Variants in DACH2 observed in about 807,000 individuals in gnomAD.
DACH2 encodes the protein dachshund family transcription factor 2.
A neutral mutation model predicts 35.8 loss-of-function variants in DACH2; 17 were observed. The ratio of observed to expected loss-of-function variants is 0.48; its 90% CI spans 0.33 to 0.71. The LOEUF is 0.71. Ranked by LOEUF, DACH2 falls within the 30% of genes least tolerant of loss-of-function variation. The pLI is 0.02. For synonymous variants in DACH2, 195 were observed against 177.3 expected (o/e 1.10, Z -0.79); for missense variants, 469 against 472.7 (o/e 0.99, Z 0.07).
chrX:86,791,574 A>G (rs964176454), intron 7 of DACH2, among the ~76,000 whole-genome samples: 3 of 111,636 alleles, frequency 2.7e-5, no homozygotes, highest in African/African-American at 9.8e-5. Context: ...GTTTCTAGGA[A>G]TTCAGTCTAG....
At chrX:86,455,427 C>G (rs1014363998) in intron 2 of DACH2, among the ~76,000 whole-genome samples, 2 of 111,615 alleles carry the variant, frequency 1.8e-5, no homozygotes, top group Non-Finnish European at 3.8e-5. Context: ...CGTCCCTCCC[C>G]CCGAAACTCT....
At chrX:86,282,055 C>T (rs191811561) in intron 1 of DACH2, among the ~76,000 whole-genome samples, 3 of 112,083 alleles carry the variant, frequency 2.7e-5, no homozygotes, top group East Asian at 2.8e-4. Context: ...GAATGAATAT[C>T]GTGAAAATAG....
chrX:86,600,246 C>T (rs758713788), intron 3 of DACH2, among the ~76,000 whole-genome samples: 2 of 112,090 alleles, frequency 1.8e-5, no homozygotes, highest in South Asian at 7.4e-4. Context: ...GCAATTTGGA[C>T]TATTTCCAGA....
chrX:86,160,545 G>T (rs1468205843), intron 1 of DACH2: 3 of 519,671 alleles, frequency 5.8e-6, no homozygotes, highest in Non-Finnish European at 1.1e-5. Context: ...TCCAGTACAG[G>T]AGTATAGCCA....
chrX:86,157,949 T>G (rs1411620869), intron 1 of DACH2, among the ~76,000 whole-genome samples: 1 of 111,032 alleles, frequency 9.0e-6, no homozygotes, highest in African/African-American at 3.3e-5. Flanking sequence ...TTAATGGCCT[T>G]TGGTAGCAGG....
intron 1 of DACH2, among the ~76,000 whole-genome samples, chrX:86,157,269 C>T (rs1389462250): frequency 1.8e-5 from 2 of 111,488 alleles, no homozygotes; most frequent in Non-Finnish European, 3.8e-5. Flanking sequence ...ATATAGCATT[C>T]GATTGCAATT....
At chrX:86,467,867 G>A (rs2037699082) in intron 2 of DACH2, among the ~76,000 whole-genome samples, 2 of 111,378 alleles carry the variant, frequency 1.8e-5, no homozygotes, top group African/African-American at 6.5e-5. Flanking sequence ...TTGTAAAACC[G>A]TCAGATCTCA....
chrX:86,495,715 A>T (rs2038160143), intron 2 of DACH2, among the ~76,000 whole-genome samples: 1 of 110,031 alleles, frequency 9.1e-6, no homozygotes, highest in African/African-American at 3.3e-5. Context: ...CAGGAGGCTA[A>T]GGCAAATGGA....
At chrX:86,248,294 C>A (rs147243062) in intron 1 of DACH2, among the ~76,000 whole-genome samples, 3,407 of 110,574 alleles carry the variant, frequency 0.031, 128 homozygotes, top group African/African-American at 0.1. Context: ...CTAGAAAACC[C>A]CATAGTTTCT....
chrX:86,653,477 C>G (rs1215642191), intron 4 of DACH2, among the ~76,000 whole-genome samples: 1 of 110,564 alleles, frequency 9.0e-6, no homozygotes, highest in Non-Finnish European at 1.9e-5. Flanking sequence ...TCCCTGGGGG[C>G]TCTCATTCAC....
At chrX:86,769,100 A>G (rs2041962510) in intron 7 of DACH2, among the ~76,000 whole-genome samples, 1 of 111,535 alleles carries the variant, frequency 9.0e-6, no homozygotes, top group Non-Finnish European at 1.9e-5. Context: ...AAAGAATTAG[A>G]TAAAATCCAA....
chrX:86,564,631 T>C (rs956030103), intron 3 of DACH2, among the ~76,000 whole-genome samples: 5 of 111,419 alleles, frequency 4.5e-5, no homozygotes, highest in African/African-American at 1.6e-4. Flanking sequence ...ACATTGACAG[T>C]AAAAGTCAGC....
At chrX:86,160,996 C>A in intron 1 of DACH2, 1 of 916,750 alleles carries the variant, frequency 1.1e-6, no homozygotes, top group East Asian at 3.1e-5. Flanking sequence ...GCATTGCCAT[C>A]TTTACAGGTG....
chrX:86,533,168 G>A (rs2148290760), intron 3 of DACH2, among the ~76,000 whole-genome samples: 1 of 111,166 alleles, frequency 9.0e-6, no homozygotes, highest in East Asian at 2.9e-4. Context: ...TCCTGCCTCA[G>A]CCTCCAAATT....
At chrX:86,235,863 G>A (rs977552363) in intron 1 of DACH2, among the ~76,000 whole-genome samples, 1 of 111,847 alleles carries the variant, frequency 8.9e-6, no homozygotes, top group African/African-American at 3.3e-5. Flanking sequence ...GCTGGGCATG[G>A]TGGTTCACAC....
intron 2 of DACH2, among the ~76,000 whole-genome samples, chrX:86,460,855 T>C (rs1197096163): frequency 9.0e-6 from 1 of 110,712 alleles, no homozygotes; most frequent in Non-Finnish European, 1.9e-5. Context: ...TAAAAAAAAG[T>C]GAGACCCATG....
intron 1 of DACH2, among the ~76,000 whole-genome samples, chrX:86,151,712 T>C (rs756013427): frequency 2.7e-5 from 3 of 111,759 alleles, no homozygotes; most frequent in Non-Finnish European, 3.8e-5. Context: ...CAGAAATGTA[T>C]ACTTTAAGTT....
chrX:86,213,731 A>G (rs2032502800), intron 1 of DACH2, among the ~76,000 whole-genome samples: 1 of 110,495 alleles, frequency 9.1e-6, no homozygotes, highest in African/African-American at 3.3e-5. Flanking sequence ...GACTTAAATT[A>G]CCACCTCGTC....
intron 3 of DACH2, among the ~76,000 whole-genome samples, chrX:86,606,985 A>T (rs906456131): frequency 1.8e-5 from 2 of 111,739 alleles, no homozygotes; most frequent in African/African-American, 6.5e-5. Flanking sequence ...TTGTCTTGAA[A>T]TCTATTTAGT....
Sources: allele counts gnomAD v4.1 joint callset (sites outside exome capture counted in the v4.1 genomes callset), GRCh38; gene constraint gnomAD v4.1.1; transcripts MANE v1.5; gene names NCBI Gene and HGNC (gene_info 2026-07-23, HGNC 2026-07-21).